Variants in BCL2 observed in about 807,000 individuals in gnomAD.
BCL2 encodes apoptosis regulator Bcl-2.
A neutral mutation model predicts 14.2 loss-of-function variants in BCL2; 1 was observed. The ratio of observed to expected loss-of-function variants is 0.07; its 90% CI spans 0.02 to 0.33. BCL2 has a LOEUF of 0.33. Among genes scored for constraint, BCL2 ranks in the 10% least tolerant of loss-of-function variants. The pLI, the probability that BCL2 is intolerant of heterozygous loss-of-function variation, is 0.99. For missense variants in BCL2, 247 were observed against 305.9 expected (o/e 0.81, Z 1.44); for synonymous variants, 151 against 137.2 (o/e 1.10, Z -0.70).
rs145776508 is a variant in BCL2, at chr18:63,133,763, C to T, written c.586-5004G>A. On this transcript the variant is annotated intron_variant, in intron 2 of 2. Coordinates refer to ENST00000333681, the MANE Select transcript of BCL2 (RefSeq NM_000633.3). ...CCCAGGTAAAGGTAAACATGGAGAC[C>T]TTTTGAATTTGGTAATGCATATCAA... is the stretch of plus-strand genomic sequence containing the variant. 3.2e-3 allele frequency among the ~76,000 whole-genome samples: 494 copies of T among 152,216 alleles called. 6 individuals are homozygous for T. Among genetic ancestry groups the T allele is most frequent in the African/African-American group, 0.011 (454 of 41,540 alleles).
intron 2 of BCL2, chr18:63,316,318 G>A (rs1281170942): frequency 1.3e-5 from 2 of 152,108 alleles, no homozygotes; most frequent in Non-Finnish European, 2.9e-5. Flanking sequence ...ATTTCAAGTA[G>A]AAAGAAAATT....
chr18:63,159,378 C>T (rs760563518), intron 2 of BCL2, among the ~76,000 whole-genome samples: 1 of 152,194 alleles, frequency 6.6e-6, no homozygotes, highest in East Asian at 1.9e-4. Flanking sequence ...AACATCACTG[C>T]GTCTGGAGTC....
chr18:63,201,171 G>A (rs934684541), intron 2 of BCL2, among the ~76,000 whole-genome samples: 3 of 152,146 alleles, frequency 2.0e-5, no homozygotes, highest in Non-Finnish European at 2.9e-5. Flanking sequence ...ACTCTTAACC[G>A]CAGGCTGAAT....
At chr18:63,301,750 C>T (rs1187152920) in intron 2 of BCL2, among the ~76,000 whole-genome samples, 2 of 152,172 alleles carry the variant, frequency 1.3e-5, no homozygotes, top group Non-Finnish European at 2.9e-5. Flanking sequence ...CCAGAAGGGG[C>T]GGGGCTTTGT....
intron 2 of BCL2, among the ~76,000 whole-genome samples, chr18:63,233,378 G>A (rs776203948): frequency 2.0e-5 from 3 of 152,098 alleles, no homozygotes; most frequent in East Asian, 3.8e-4. Flanking sequence ...ATTACCATTC[G>A]TTTTTTAAAC....
At position 63,286,680 on chromosome 18, in the gene BCL2, T is replaced by C. The variant is rs369247769; in HGVS notation, c.585+31402A>G. Among the ~76,000 whole-genome samples, 16 of 151,208 alleles carry C rather than the reference T, an allele frequency of 1.1e-4. No homozygotes were observed. The Middle Eastern group carries it at 0.01, about 97-fold the overall frequency. On this transcript the variant is annotated intron_variant, in intron 2 of 2. Coordinates refer to ENST00000333681, the MANE Select transcript of BCL2 (RefSeq NM_000633.3). ...ATTCTGAAGGTCATTGAAGGGGAGGTAGGAGGATTTGGTTTGCGGCAGTTT... is the reference window on the plus strand; with the variant it reads ...ATTCTGAAGGTCATTGAAGGGGAGGCAGGAGGATTTGGTTTGCGGCAGTTT...
chr18:63,125,165 G>C lies in BCL2; in HGVS notation c.*3460C>G, dbSNP rs1286523423. ...CCACTGGGCCAGAGCTACATCTTTA[G>C]ATGATAAGCATTTACTAATAAAACA... On this transcript the variant is annotated 3_prime_UTR_variant, in exon 3 of 3. Transcript: ENST00000333681. 1 of 222,304 alleles carries C rather than the reference G, an allele frequency of 4.5e-6. No individual in the cohort carries two copies. The highest frequency in any genetic ancestry group is 9.0e-6 in the Non-Finnish European group (1 of 111,260). The allele number at this position is 222,304 out of a possible 1,614,324, so 13.8% of individuals were successfully genotyped here. A position where few individuals can be genotyped will look rare whatever the true frequency, so the allele number is the denominator to read the frequency against.
chr18:63,192,856 T>C (rs1259394814), intron 2 of BCL2, among the ~76,000 whole-genome samples: 2 of 152,230 alleles, frequency 1.3e-5, no homozygotes, highest in Admixed American at 6.5e-5. Context: ...CACTGACAGA[T>C]TCCATACTTC....
intron 2 of BCL2, among the ~76,000 whole-genome samples, chr18:63,195,189 C>T (rs1388602167): frequency 6.6e-6 from 1 of 152,200 alleles, no homozygotes; most frequent in Non-Finnish European, 1.5e-5. Flanking sequence ...CTGCCACCAA[C>T]AAGCTGTGTA....
At chr18:63,207,719 G>C (rs1056699677) in intron 2 of BCL2, 1 of 152,190 alleles carries the variant, frequency 6.6e-6, no homozygotes, top group Non-Finnish European at 1.5e-5. Context: ...GGTGGGGGAA[G>C]TCCCTGCGAT....
At chr18:63,247,352 C>T (rs1599267509) in intron 2 of BCL2, among the ~76,000 whole-genome samples, 3 of 141,466 alleles carry the variant, frequency 2.1e-5, no homozygotes, top group South Asian at 4.3e-4. Context: ...GCGCCCGCCA[C>T]CACCCCCAGC....
At chr18:63,270,550 CAT>C (rs1911976714) in intron 2 of BCL2, among the ~76,000 whole-genome samples, 1 of 152,150 alleles carries the variant, frequency 6.6e-6, no homozygotes, top group Admixed American at 6.5e-5. Flanking sequence ...CATCTATACA[CAT>C]ATGTGTATAC....
rs777837472 is a variant in BCL2, at chr18:63,318,027, C to T, written c.585+55G>A. On this transcript the variant is annotated intron_variant, in intron 2 of 2. Coordinates refer to ENST00000333681, the MANE Select transcript of BCL2 (RefSeq NM_000633.3). The surrounding 1 kb of genome is among the most constrained non-coding windows in gnomAD (Gnocchi z 7.4). ...CCAGGAGCCCACCCGCACTCCAACC[C>T]CCGCATCTCGGACCTGTGGCCTCAG... The T allele has an allele frequency of 7.7e-5, 122 of 1,585,076 alleles. No homozygotes were observed. The highest frequency in any genetic ancestry group is 9.6e-5 in the Non-Finnish European group (111 of 1,161,870).
At chr18:63,203,161 G>C (rs1263031123) in intron 2 of BCL2, among the ~76,000 whole-genome samples, 1 of 152,224 alleles carries the variant, frequency 6.6e-6, no homozygotes, top group African/African-American at 2.4e-5. Context: ...GAAAACGTCT[G>C]AGTGTGAATT....
At chr18:63,316,945 A>AC (rs924334871) in intron 2 of BCL2, 1 of 152,006 alleles carries the variant, frequency 6.6e-6, no homozygotes, top group African/African-American at 2.4e-5. Flanking sequence ...TAAAAAAAAA[A>AC]AAAACTTCAC....
At position 63,149,796 on chromosome 18, in the gene BCL2, G is replaced by A. The variant is rs1388271775; in HGVS notation, c.586-21037C>T. On this transcript the variant is annotated intron_variant, in intron 2 of 2. Transcript: ENST00000333681. This position sits in a 1 kb window ranked among gnomAD's most constrained non-coding sequence, Gnocchi z 4.2. The stretch of plus-strand genomic sequence containing the variant: ...CTAGTTTTTGTTTGGAACAAACACA[G>A]TGCTTAATTATATGGCTCTCTACAG... Among the ~76,000 whole-genome samples the A allele has an allele frequency of 1.3e-5, 2 of 152,174 alleles. No homozygotes were observed. Among genetic ancestry groups the A allele is most frequent in the African/African-American group, 4.8e-5 (2 of 41,446 alleles).
At chr18:63,164,555 C>T (rs1914997404) in intron 2 of BCL2, among the ~76,000 whole-genome samples, 1 of 152,152 alleles carries the variant, frequency 6.6e-6, no homozygotes, top group Admixed American at 6.5e-5. Context: ...AAATGAAGCC[C>T]ATTATTAATG....
chr18:63,194,483 C>T (rs547694036), intron 2 of BCL2, among the ~76,000 whole-genome samples: 6 of 151,932 alleles, frequency 3.9e-5, no homozygotes, highest in East Asian at 1.9e-4. Context: ...TACAGGCGTG[C>T]GCTACCACGC....
rs1599208621 is a variant in BCL2 at position 63,148,304 on chromosome 18, A to T, written c.586-19545T>A. 2.0e-5 allele frequency among the ~76,000 whole-genome samples: 3 copies of T among 152,256 alleles called. No individual in the cohort carries two copies. In the East Asian group the frequency reaches 5.8e-4, roughly 29 times the overall value. ...TAGCCAGATGATGTATACTTTTAAC[A>T]TTCCAGGAAAAAAGTGTCAGTGATA... On this transcript the variant is annotated intron_variant, in intron 2 of 2. Transcript: ENST00000333681.
Sources: allele counts gnomAD v4.1 joint callset (sites outside exome capture counted in the v4.1 genomes callset), GRCh38; gene constraint gnomAD v4.1.1; non-coding constraint Gnocchi (gnomAD v3.1); transcripts MANE v1.5; gene names NCBI Gene and HGNC (gene_info 2026-07-23, HGNC 2026-07-21).